Variants in SYCP1 observed in about 807,000 individuals in gnomAD.
SYCP1 encodes synaptonemal complex protein 1.
SYCP1 carries 64 observed loss-of-function variants against 153.1 expected under a neutral mutation model. That is an observed-to-expected ratio of 0.42 (90% CI 0.34 to 0.51). The LOEUF (loss-of-function observed/expected upper bound fraction) is 0.51. Among genes scored for constraint, SYCP1 ranks in the 20% least tolerant of loss-of-function variants. SYCP1 has a pLI of 0.06. For synonymous variants in SYCP1, 384 were observed against 341.8 expected (o/e 1.12, Z -1.36); for missense variants, 997 against 1,049.0 (o/e 0.95, Z 0.68).
intron 16 of SYCP1, among the ~76,000 whole-genome samples, chr1:114,907,556 G>A (rs553945841): frequency 5.4e-4 from 80 of 147,988 alleles, no homozygotes; most frequent in African/African-American, 1.8e-3. Flanking sequence ...AGTTAATATT[G>A]TACCACTTCA....
rs545092062 is a variant in SYCP1, at chr1:114,926,163, C to T, written c.1801-115C>T. The T allele has an allele frequency of 6.4e-4, 447 of 703,242 alleles. 1 individual carries two copies. The African/African-American group carries it at 7.9e-3, about 12-fold the overall frequency. The allele number at this position is 703,242 out of a possible 1,614,324, so 43.6% of individuals were successfully genotyped here. On this transcript the variant is annotated intron_variant, in intron 21 of 31. Coordinates refer to ENST00000369522, the MANE Select transcript of SYCP1 (RefSeq NM_003176.4). ...ATAATTTTTATATTAATGGAATTAC[C>T]ATGATTTTGAAGTGACCTTTATCAG... is the stretch of plus-strand genomic sequence containing the variant.
At chr1:114,945,073 T>C in intron 25 of SYCP1, 91 bp downstream of exon 25, 1 of 950,358 alleles carries the variant, frequency 1.1e-6, no homozygotes, top group Non-Finnish European at 1.5e-6. Flanking sequence ...TTCTTATTTG[T>C]CAGAGAAGAT....
At position 114,946,274 on chromosome 1, in the gene SYCP1, C is replaced by T. The variant is rs1407321573; in HGVS notation, c.2155-15C>T. ...AGTTTTAATATATCTAAAATGTCTT[C>T]TTTGTTTAATATAGCACCAATATGA... is the stretch of plus-strand genomic sequence containing the variant. On this transcript the variant is annotated splice_polypyrimidine_tract_variant and intron_variant, in intron 25 of 31. Coordinates refer to ENST00000369522, the MANE Select transcript of SYCP1 (RefSeq NM_003176.4). 6.9e-7 allele frequency: 1 copy of T among 1,454,918 alleles called. No homozygotes were observed. Among genetic ancestry groups the T allele is most frequent in the East Asian group, 2.7e-5 (1 of 37,440 alleles). 90.1% of individuals were successfully genotyped at this position (1,454,918 alleles called of 1,614,324 possible).
intron 27 of SYCP1, among the ~76,000 whole-genome samples, chr1:114,951,814 C>G (rs1671127332): frequency 6.6e-6 from 1 of 151,872 alleles, no homozygotes; most frequent in Non-Finnish European, 1.5e-5. Flanking sequence ...CCCTCCCCCA[C>G]CCCTGGCAAT....
At chr1:114,963,207 T>A (rs1182950926) in intron 27 of SYCP1, among the ~76,000 whole-genome samples, 1 of 152,184 alleles carries the variant, frequency 6.6e-6, no homozygotes, top group South Asian at 2.1e-4. Flanking sequence ...TGTATTTGGA[T>A]GTCTAGATCT....
chr1:114,855,681 G>A (rs2101238036), intron 2 of SYCP1, 109 bp downstream of exon 2: 1 of 862,204 alleles, frequency 1.2e-6, no homozygotes, highest in Non-Finnish European at 1.8e-6. Context: ...TCAATAAATG[G>A]TCTCATTTAC....
At chr1:114,984,283 G>A (rs1673356982) in intron 29 of SYCP1, among the ~76,000 whole-genome samples, 1 of 152,062 alleles carries the variant, frequency 6.6e-6, no homozygotes, top group Non-Finnish European at 1.5e-5. Flanking sequence ...ATTGACTAAT[G>A]TGAATTACTT....
chr1:114,956,419 T>C lies in SYCP1; in HGVS notation c.2322+9099T>C, dbSNP rs142203534. On this transcript the variant is annotated intron_variant, in intron 27 of 31. Coordinates refer to ENST00000369522, the MANE Select transcript of SYCP1 (RefSeq NM_003176.4). ...GCTAATTCTCAGCTCCAGTCCATCC[T>C]GCTACACTTAGGAAACTATTGTCTG... 2.0e-5 allele frequency among the ~76,000 whole-genome samples: 3 copies of C among 152,300 alleles called. No homozygotes were observed. The East Asian group carries it at 5.8e-4, about 29-fold the overall frequency.
chr1:114,930,589 C>A (rs1476703659), intron 23 of SYCP1, among the ~76,000 whole-genome samples: 2 of 151,796 alleles, frequency 1.3e-5, no homozygotes, highest in African/African-American at 4.8e-5. Context: ...TCTTATGTAT[C>A]TTTTAGGGAA....
chr1:114,946,610 A>G (rs1290539382), intron 26 of SYCP1, among the ~76,000 whole-genome samples: 1 of 152,192 alleles, frequency 6.6e-6, no homozygotes, highest in East Asian at 1.9e-4. Context: ...CAGTAAACAA[A>G]TAAGTTTGGA....
intron 8 of SYCP1, among the ~76,000 whole-genome samples, chr1:114,871,497 G>A (rs952500467): frequency 6.6e-6 from 1 of 151,932 alleles, no homozygotes; most frequent in Non-Finnish European, 1.5e-5. Flanking sequence ...TATCATTGCT[G>A]TCATTAATTT....
At chr1:114,968,238 G>A (rs1672263973) in intron 27 of SYCP1, among the ~76,000 whole-genome samples, 1 of 152,176 alleles carries the variant, frequency 6.6e-6, no homozygotes. Flanking sequence ...TTGCTAGATT[G>A]GGGAATTTCT....
chr1:114,912,743 AT>A (rs1303929780), intron 18 of SYCP1, among the ~76,000 whole-genome samples: 1 of 152,018 alleles, frequency 6.6e-6, no homozygotes, highest in Non-Finnish European at 1.5e-5. Flanking sequence ...GCTCTTCAAA[AT>A]TTGTGGAAAG....
intron 27 of SYCP1, among the ~76,000 whole-genome samples, chr1:114,954,579 A>T (rs1035261411): frequency 8.9e-5 from 13 of 146,042 alleles, no homozygotes; most frequent in East Asian, 1.9e-4. Context: ...TTATTTATTT[A>T]TTTTTTATTT....
chr1:114,939,702 G>A lies in SYCP1; in HGVS notation c.1927-4637G>A, dbSNP rs189980258. ...TGGAAATTATGTCTTGGTTGGTATTGCCATTACATGGTTTTAAAAACAATT... is the reference window on the plus strand; with the variant it reads ...TGGAAATTATGTCTTGGTTGGTATTACCATTACATGGTTTTAAAAACAATT... On this transcript the variant is annotated intron_variant, in intron 23 of 31. Transcript: ENST00000369522. Among the ~76,000 whole-genome samples, 158 of 152,276 alleles carry A rather than the reference G, an allele frequency of 1.0e-3. 2 individuals are homozygous for A. The highest frequency in any genetic ancestry group is 3.7e-3 in the African/African-American group (153 of 41,562).
At chr1:114,950,594 GTTC>G (rs760907101) in intron 27 of SYCP1, among the ~76,000 whole-genome samples, 2 of 151,894 alleles carry the variant, frequency 1.3e-5, no homozygotes, top group East Asian at 1.9e-4. Flanking sequence ...ACCTTTAGGT[GTTC>G]TTCTTCTATT....
chr1:114,926,472 C>T (rs749061005), intron 22 of SYCP1, 29 bp from the exon 23 acceptor site: 53 of 1,512,876 alleles, frequency 3.5e-5, no homozygotes, highest in South Asian at 1.7e-4. Flanking sequence ...AACTTTAGTA[C>T]TAAATATAAT....
chr1:114,855,513 A>G lies in SYCP1; in HGVS notation c.49A>G (p.Ser17Gly). 1 of 1,613,554 alleles carries G rather than the reference A, an allele frequency of 6.2e-7. No individual in the cohort carries two copies. Residue 17 changes from serine (S) to glycine (G), a missense_variant, in exon 2 of 32, where the codon AGC (serine) becomes GGC (glycine). This residue lies in a region of SYCP1 where 285 missense variants were observed against 366.1 expected (regional missense o/e 0.78). Transcript: ENST00000369522. The stretch of plus-strand genomic sequence containing the variant: ...ATTGTTCGTACCACCGAGATCAAGC[A>G]GCAGTCAGGTGTCTGCGGTGAAACC... Reference protein sequence around the residue: ...FALFVPPRSSSSQVSAVKPQT... With the variant: ...FALFVPPRSSGSQVSAVKPQT...
chr1:114,974,311 A>G (rs181501271), intron 27 of SYCP1, among the ~76,000 whole-genome samples: 2 of 152,074 alleles, frequency 1.3e-5, no homozygotes, highest in African/African-American at 2.4e-5. Flanking sequence ...GTTGATATGC[A>G]TAAGTTGAAT....
Sources: gnomAD v4.1 joint callset for allele counts (sites outside exome capture counted in the v4.1 genomes callset) on GRCh38, gnomAD v4.1.1 for gene constraint, gnomAD v4.1.1 regional missense constraint, MANE v1.5 for transcripts, NCBI Gene and HGNC (gene_info 2026-07-23, HGNC 2026-07-21) for gene names.